The following DDX10 variants were observed in gnomAD, a reference collection of about 807,000 sequenced individuals.
The protein encoded by DDX10 is probable ATP-dependent RNA helicase DDX10.
Under a neutral mutation model 104.3 loss-of-function variants are expected in DDX10, and 74 were observed. The ratio of observed to expected loss-of-function variants is 0.71; its 90% CI spans 0.59 to 0.86. The LOEUF is 0.86. Among genes scored for constraint, DDX10 ranks in the 40% least tolerant of loss-of-function variants. The probability of loss-of-function intolerance (pLI) is 0.00; values close to 1 mark genes in which losing one functional copy is unlikely to be tolerated. For synonymous variants in DDX10, 351 were observed against 353.4 expected (o/e 0.99, Z 0.08); for missense variants, 952 against 1,040.0 (o/e 0.92, Z 1.16).
intron 13 of DDX10, among the ~76,000 whole-genome samples, chr11:108,807,712 C>G (rs1326823697): frequency 1.3e-5 from 2 of 152,080 alleles, no homozygotes; most frequent in African/African-American, 2.4e-5. Context: ...GGCACCTGGA[C>G]TTTTCTGGGT....
chr11:108,855,746 A>G (rs571355161), intron 16 of DDX10, among the ~76,000 whole-genome samples: 13 of 152,342 alleles, frequency 8.5e-5, no homozygotes, highest in African/African-American at 3.1e-4. Context: ...GATGTGAGCC[A>G]CTGCAACTGG....
intron 17 of DDX10, among the ~76,000 whole-genome samples, chr11:108,922,519 G>C (rs1281345182): frequency 1.3e-5 from 2 of 152,228 alleles, no homozygotes; most frequent in Non-Finnish European, 2.9e-5. Flanking sequence ...GCAATGGAGA[G>C]CCAGATTTAG....
At chr11:108,754,168 A>C (rs933783027) in intron 13 of DDX10, among the ~76,000 whole-genome samples, 2 of 151,988 alleles carry the variant, frequency 1.3e-5, no homozygotes, top group Admixed American at 6.6e-5. Flanking sequence ...TCGGAAGTGA[A>C]TCGTTTAGCT....
At chr11:108,894,024 G>C (rs963624837) in intron 16 of DDX10, among the ~76,000 whole-genome samples, 1 of 152,070 alleles carries the variant, frequency 6.6e-6, no homozygotes, top group Non-Finnish European at 1.5e-5. Context: ...GTAAATGACT[G>C]CAGCAAACTG....
At chr11:108,689,780 G>A (rs971772637) in intron 7 of DDX10, among the ~76,000 whole-genome samples, 3 of 152,108 alleles carry the variant, frequency 2.0e-5, no homozygotes, top group Non-Finnish European at 4.4e-5. Context: ...GACTTAATAG[G>A]GAATGTAGTA....
chr11:108,678,258 T>G, intron 4 of DDX10, 57 bp from the exon 5 acceptor site: 1 of 1,564,574 alleles, frequency 6.4e-7, no homozygotes, highest in Non-Finnish European at 8.7e-7. Context: ...ATAGCTTTGG[T>G]ACACAGGCTG....
At chr11:108,808,938 A>C (rs1472032767) in intron 13 of DDX10, among the ~76,000 whole-genome samples, 1 of 152,164 alleles carries the variant, frequency 6.6e-6, no homozygotes, top group Non-Finnish European at 1.5e-5. Context: ...AGTATTTAGA[A>C]GTTTGTCTGT....
In DDX10 at chr11:108,674,443, T is replaced by C. The variant is rs79775682; in HGVS notation, c.247+916T>C. On this transcript the variant is annotated intron_variant, in intron 2 of 17. Coordinates refer to ENST00000322536, the MANE Select transcript of DDX10 (RefSeq NM_004398.4). ...TTTAGAACTCTTAAAATCTACTTAG[T>C]ATTTTTTCTTTTTTCAGTATATTTT... 9.6e-3 allele frequency among the ~76,000 whole-genome samples: 1,456 copies of C among 152,270 alleles called. 17 individuals are homozygous for C. Among genetic ancestry groups the C allele is most frequent in the African/African-American group, 0.033 (1,357 of 41,544 alleles).
chr11:108,707,856 G>C (rs1424447822), intron 10 of DDX10, among the ~76,000 whole-genome samples: 1 of 152,170 alleles, frequency 6.6e-6, no homozygotes, highest in Non-Finnish European at 1.5e-5. Context: ...CTTATAACTA[G>C]TGGATGTTGG....
At chr11:108,782,617 T>G (rs1015454569) in intron 13 of DDX10, among the ~76,000 whole-genome samples, 5 of 152,170 alleles carry the variant, frequency 3.3e-5, no homozygotes, top group South Asian at 2.1e-4. Flanking sequence ...AAATATTTTT[T>G]TTTTACTCAC....
chr11:108,746,872 T>C (rs1424109617), intron 13 of DDX10, among the ~76,000 whole-genome samples: 1 of 152,134 alleles, frequency 6.6e-6, no homozygotes, highest in Non-Finnish European at 1.5e-5. Flanking sequence ...AAGATAACAA[T>C]ACCTCTTAGC....
At chr11:108,848,195 A>T (rs1224827884) in intron 15 of DDX10, among the ~76,000 whole-genome samples, 1 of 152,194 alleles carries the variant, frequency 6.6e-6, no homozygotes, top group Non-Finnish European at 1.5e-5. Context: ...TTAAGACTCC[A>T]TACTAATACC....
intron 13 of DDX10, among the ~76,000 whole-genome samples, chr11:108,751,831 G>C (rs2094339123): frequency 6.6e-6 from 1 of 152,146 alleles, no homozygotes; most frequent in Non-Finnish European, 1.5e-5. Context: ...CTGTCTTTCA[G>C]TCTAAATCAC....
intron 8 of DDX10, 39 bp from the exon 9 acceptor site, chr11:108,693,477 T>C (rs376254764): frequency 6.7e-7 from 1 of 1,497,410 alleles, no homozygotes; most frequent in Non-Finnish European, 9.3e-7. Context: ...AGGGCAGATC[T>C]TGCAACCAGT....
chr11:108,862,338 A>C (rs1591100292), intron 16 of DDX10, among the ~76,000 whole-genome samples: 1 of 152,156 alleles, frequency 6.6e-6, no homozygotes, highest in Non-Finnish European at 1.5e-5. Flanking sequence ...ATTACTTTTA[A>C]AAAATGATGC....
At chr11:108,773,838 A>G (rs566215542) in intron 13 of DDX10, among the ~76,000 whole-genome samples, 1 of 152,302 alleles carries the variant, frequency 6.6e-6, no homozygotes, top group East Asian at 1.9e-4. Context: ...CATAGTGCTG[A>G]GAAGGGAGAC....
At chr11:108,872,458 G>C (rs1446358946) in intron 16 of DDX10, among the ~76,000 whole-genome samples, 1 of 152,160 alleles carries the variant, frequency 6.6e-6, no homozygotes, top group East Asian at 1.9e-4. Context: ...GTTTGTGTAG[G>C]GGGGTGGAAG....
At chr11:108,923,927 C>T (rs922553214) in intron 17 of DDX10, among the ~76,000 whole-genome samples, 2 of 152,178 alleles carry the variant, frequency 1.3e-5, no homozygotes, top group East Asian at 1.9e-4. Context: ...TGTCTTTAAC[C>T]GTATTCCGTT....
chr11:108,894,302 G>A (rs913234068), intron 16 of DDX10, among the ~76,000 whole-genome samples: 3 of 152,012 alleles, frequency 2.0e-5, no homozygotes, highest in Non-Finnish European at 4.4e-5. Context: ...TGTCTTTAAG[G>A]TGAAGGTGGT....
Sources: gnomAD v4.1 joint callset for allele counts (sites outside exome capture counted in the v4.1 genomes callset) on GRCh38, gnomAD v4.1.1 for gene constraint, MANE v1.5 for transcripts, NCBI Gene and HGNC (gene_info 2026-07-23, HGNC 2026-07-21) for gene names.